The following CAST variants were observed in gnomAD, a reference collection of about 807,000 sequenced individuals.
CAST encodes calpastatin, also known as MIR583 host.
In CAST, 76 loss-of-function variants were observed where a neutral mutation model predicts 119.6. The observed-to-expected ratio is 0.64, with a 90% confidence interval of 0.53 to 0.77. The LOEUF is 0.77. Ranked by LOEUF, CAST falls within the 30% of genes least tolerant of loss-of-function variation. CAST has a pLI of 0.00. For synonymous variants in CAST, 319 were observed against 331.6 expected (o/e 0.96, Z 0.41); for missense variants, 953 against 946.5 (o/e 1.01, Z -0.09).
intron 1 of CAST, among the ~76,000 whole-genome samples, chr5:96,604,849 G>A (rs1285366108): frequency 1.3e-5 from 2 of 152,224 alleles, no homozygotes; most frequent in African/African-American, 2.4e-5. Context: ...CAGCAGCTCA[G>A]AAGAGTGGGC....
chr5:96,706,468 G>A (rs1011715186), intron 3 of CAST, among the ~76,000 whole-genome samples: 3 of 152,204 alleles, frequency 2.0e-5, no homozygotes, highest in African/African-American at 7.2e-5. Context: ...TAAAGGAAGA[G>A]GGTTGAGGTT....
chr5:96,307,159 G>T, the CAST span, among the ~76,000 whole-genome samples: 1 of 152,158 alleles, frequency 6.6e-6, no homozygotes, highest in South Asian at 2.1e-4. Context: ...ATATATTTAG[G>T]ATAGTTAGCT....
At chr5:96,770,158 G>T in intron 29 of CAST, 1 of 217,554 alleles carries the variant, frequency 4.6e-6, no homozygotes, top group Non-Finnish European at 9.5e-6. Context: ...TTCCATCATA[G>T]CCCATACCAA....
At chr5:96,475,738 T>C in the CAST span, among the ~76,000 whole-genome samples, 3 of 152,046 alleles carry the variant, frequency 2.0e-5, no homozygotes, top group Non-Finnish European at 4.4e-5. Flanking sequence ...TGGCAATGGT[T>C]TGGGGATGGA....
chr5:96,699,683 G>A (rs1753663095), intron 3 of CAST, among the ~76,000 whole-genome samples: 1 of 152,138 alleles, frequency 6.6e-6, no homozygotes, highest in South Asian at 2.1e-4. Context: ...TAAATCACAT[G>A]CCTTCACCCT....
the CAST span, among the ~76,000 whole-genome samples, chr5:96,170,779 C>T: frequency 6.6e-6 from 1 of 152,156 alleles, no homozygotes; most frequent in Non-Finnish European, 1.5e-5. Flanking sequence ...GAGCATTAAC[C>T]TTGACTATAC....
At chr5:96,547,025 C>T (rs1433796887) in intron 1 of CAST, among the ~76,000 whole-genome samples, 1 of 152,088 alleles carries the variant, frequency 6.6e-6, no homozygotes, top group African/African-American at 2.4e-5. Flanking sequence ...TTGGATGATC[C>T]TTGAAAATTG....
chr5:96,556,085 T>C (rs2150183260), intron 1 of CAST, among the ~76,000 whole-genome samples: 1 of 152,338 alleles, frequency 6.6e-6, no homozygotes, highest in East Asian at 1.9e-4. Flanking sequence ...CCGCTGCTTA[T>C]ACCCAGGCAA....
At chr5:96,095,799 C>G in the CAST span, among the ~76,000 whole-genome samples, 10,165 of 151,950 alleles carry the variant, frequency 0.067, 585 homozygotes, top group East Asian at 0.25. Context: ...CTGAAAACAT[C>G]TTCAGAAAAG....
the CAST span, among the ~76,000 whole-genome samples, chr5:96,365,761 G>A: frequency 1.3e-5 from 2 of 152,258 alleles, no homozygotes; most frequent in South Asian, 2.1e-4. Context: ...ACATTGATGG[G>A]TCTTGACTCT....
the CAST span, among the ~76,000 whole-genome samples, chr5:96,414,531 T>A: frequency 6.6e-6 from 1 of 152,132 alleles, no homozygotes; most frequent in Non-Finnish European, 1.5e-5. Context: ...TGACATACAA[T>A]AGGTGCCTAA....
rs1773474512 is a variant in CAST, at chr5:96,774,194, CTTT to C, written c.*1579_*1581del. On this transcript the variant is annotated 3_prime_UTR_variant, in exon 32 of 32. Coordinates refer to ENST00000675179, the MANE Select transcript of CAST (RefSeq NM_001750.7). ...CTTTTTTTAAGAAAAACCTTGAAAC[CTTT>C]GACACTGACAGATGTGTTTGCAAGG... 6.5e-6 allele frequency: 1 copy of C among 153,868 alleles called. No individual in the cohort carries two copies. Among genetic ancestry groups the C allele is most frequent in the African/African-American group, 2.4e-5 (1 of 41,436 alleles). The allele number at this position is 153,868 out of a possible 1,614,324, so 9.5% of individuals were successfully genotyped here.
chr5:96,758,216 A>G (rs1180417947), intron 24 of CAST, among the ~76,000 whole-genome samples: 1 of 152,198 alleles, frequency 6.6e-6, no homozygotes, highest in East Asian at 1.9e-4. Flanking sequence ...AAGCTTATCC[A>G]AAATTACTCC....
the CAST span, among the ~76,000 whole-genome samples, chr5:96,361,357 A>C: frequency 6.6e-6 from 1 of 152,070 alleles, no homozygotes; most frequent in Non-Finnish European, 1.5e-5. Context: ...TTTCGCTGGC[A>C]TTCCAGGCAC....
chr5:96,737,976 C>A, intron 11 of CAST, 29 bp downstream of exon 11: 1 of 1,272,530 alleles, frequency 7.9e-7, no homozygotes, highest in South Asian at 1.2e-5. Flanking sequence ...TGTAAAAATT[C>A]ATACTCAGTG....
At chr5:96,575,364 T>C (rs868008491) in intron 1 of CAST, among the ~76,000 whole-genome samples, 2 of 152,222 alleles carry the variant, frequency 1.3e-5, no homozygotes, top group African/African-American at 4.8e-5. Flanking sequence ...AATAATTTTA[T>C]TCTTTTTCAA....
chr5:96,087,718 T>A, the CAST span, among the ~76,000 whole-genome samples: 8 of 152,228 alleles, frequency 5.3e-5, no homozygotes, highest in African/African-American at 1.9e-4. Flanking sequence ...AATTAGTGAC[T>A]GATTTGGCGG....
the CAST span, chr5:96,412,454 A>G: frequency 1.2e-6 from 2 of 1,614,168 alleles, no homozygotes; most frequent in Non-Finnish European, 1.7e-6. Context: ...ACTGGCCTCA[A>G]TAGCATCCGT....
the CAST span, among the ~76,000 whole-genome samples, chr5:96,135,067 A>C: frequency 6.6e-6 from 1 of 152,222 alleles, no homozygotes; most frequent in East Asian, 1.9e-4. Context: ...GAAGGCCGGC[A>C]GCATAGTGGG....
Sources: allele counts gnomAD v4.1 joint callset (sites outside exome capture counted in the v4.1 genomes callset), GRCh38; gene constraint gnomAD v4.1.1; transcripts MANE v1.5; gene names NCBI Gene and HGNC (gene_info 2026-07-23, HGNC 2026-07-21).